Variants in CADM2 observed in about 807,000 individuals in gnomAD.
CADM2 encodes cell adhesion molecule 2.
In CADM2, 12 loss-of-function variants were observed where a neutral mutation model predicts 49.8. The observed-to-expected ratio is 0.24, with a 90% CI of 0.15 to 0.39. The LOEUF (loss-of-function observed/expected upper bound fraction) is 0.39. CADM2 is among the 10% of genes least tolerant of loss of function. The probability of loss-of-function intolerance (pLI) is 1.00; values close to 1 mark genes in which losing one functional copy is unlikely to be tolerated. For synonymous variants in CADM2, 214 were observed against 175.4 expected, an observed-to-expected ratio of 1.22 and a Z score of -1.74; for missense variants, 378 against 492.3, an observed-to-expected ratio of 0.77 and a Z score of 2.20.
At chr3:85,852,720 G>A (rs968110249) in intron 3 of CADM2, among the ~76,000 whole-genome samples, 2 of 152,018 alleles carry the variant, frequency 1.3e-5, no homozygotes, top group Non-Finnish European at 2.9e-5. Flanking sequence ...ATTGTATTTT[G>A]CAACTCTTTT....
chr3:85,486,405 T>G (rs551158593), intron 1 of CADM2, among the ~76,000 whole-genome samples: 1 of 152,298 alleles, frequency 6.6e-6, no homozygotes, highest in East Asian at 1.9e-4. Context: ...ATGCTGGATT[T>G]CCATATTGAA....
At chr3:85,514,350 C>T (rs1236928674) in intron 1 of CADM2, among the ~76,000 whole-genome samples, 1 of 152,026 alleles carries the variant, frequency 6.6e-6, no homozygotes, top group East Asian at 1.9e-4. Context: ...TGTAACTGAT[C>T]ACATTGTTTC....
intron 1 of CADM2, among the ~76,000 whole-genome samples, chr3:85,012,973 T>C (rs1053388867): frequency 1.3e-5 from 2 of 151,884 alleles, no homozygotes; most frequent in South Asian, 2.1e-4. Context: ...ATCAAAAAAG[T>C]CAAAATTAAA....
intron 1 of CADM2, among the ~76,000 whole-genome samples, chr3:85,212,866 CTT>C (rs1491354622): frequency 8.7e-5 from 11 of 126,726 alleles, no homozygotes; most frequent in African/African-American, 2.8e-4. Context: ...TTCTTTCTTT[CTT>C]TCTTTCTTTC....
chr3:85,391,788 C>A (rs914509076), intron 1 of CADM2, among the ~76,000 whole-genome samples: 4 of 152,110 alleles, frequency 2.6e-5, no homozygotes, highest in Admixed American at 2.0e-4. Context: ...CCTGCATATG[C>A]ATGGGGCAGG....
chr3:85,831,004 T>C (rs2074160641), intron 3 of CADM2, among the ~76,000 whole-genome samples: 1 of 151,658 alleles, frequency 6.6e-6, no homozygotes, highest in African/African-American at 2.4e-5. Flanking sequence ...CTCCCACTTC[T>C]AGTGGTCCCC....
intron 1 of CADM2, among the ~76,000 whole-genome samples, chr3:85,389,206 C>G (rs2034398245): frequency 1.3e-5 from 2 of 152,082 alleles, no homozygotes; most frequent in South Asian, 4.1e-4. Flanking sequence ...GCCCACTTTG[C>G]ACCCACAATT....
At chr3:84,970,809 C>G (rs1044968981) in intron 1 of CADM2, among the ~76,000 whole-genome samples, 27 of 151,982 alleles carry the variant, frequency 1.8e-4, no homozygotes, top group African/African-American at 6.3e-4. Context: ...CAGAATAAAC[C>G]TTCTCTAACA....
At chr3:85,599,797 A>T (rs932969582) in intron 1 of CADM2, among the ~76,000 whole-genome samples, 5 of 151,978 alleles carry the variant, frequency 3.3e-5, no homozygotes, top group Non-Finnish European at 5.9e-5. Flanking sequence ...AATTTTAAAA[A>T]ATATTTTAGG....
At chr3:85,559,636 T>G (rs889041398) in intron 1 of CADM2, among the ~76,000 whole-genome samples, 2 of 150,038 alleles carry the variant, frequency 1.3e-5, no homozygotes, top group Non-Finnish European at 3.0e-5. Flanking sequence ...TTTTATTGCT[T>G]AAGCCATGAT....
chr3:85,986,232 T>C (rs1437401124), intron 8 of CADM2, among the ~76,000 whole-genome samples: 2 of 151,656 alleles, frequency 1.3e-5, no homozygotes, highest in South Asian at 2.1e-4. Context: ...AAAAACAGAA[T>C]ACAAAGAAAT....
chr3:85,408,331 A>G (rs528833691), intron 1 of CADM2, among the ~76,000 whole-genome samples: 1 of 152,328 alleles, frequency 6.6e-6, no homozygotes, highest in Admixed American at 6.5e-5. Flanking sequence ...ATGAATAGTA[A>G]ATGCATAGGA....
chr3:85,629,856 C>T (rs1392509468), intron 1 of CADM2, among the ~76,000 whole-genome samples: 1 of 151,938 alleles, frequency 6.6e-6, no homozygotes, highest in African/African-American at 2.4e-5. Context: ...ACTCTGTTTT[C>T]TTAAACTTCT....
At chr3:85,639,874 AT>A (rs2064654195) in intron 1 of CADM2, among the ~76,000 whole-genome samples, 1 of 152,322 alleles carries the variant, frequency 6.6e-6, no homozygotes, top group East Asian at 1.9e-4. Context: ...GGGAATAACT[AT>A]TGAGAAGGGA....
intron 2 of CADM2, among the ~76,000 whole-genome samples, chr3:85,788,492 GAGA>G (rs1431456554): frequency 5.9e-5 from 9 of 151,872 alleles, no homozygotes; most frequent in Admixed American, 2.6e-4. Context: ...ATTTTTTACA[GAGA>G]AGAATACAGA....
At chr3:85,617,852 GATAAA>G (rs1359087632) in intron 1 of CADM2, among the ~76,000 whole-genome samples, 4 of 152,134 alleles carry the variant, frequency 2.6e-5, no homozygotes, top group African/African-American at 9.7e-5. Context: ...CACAAAAAGT[GATAAA>G]ATAAAGATCT....
intron 1 of CADM2, among the ~76,000 whole-genome samples, chr3:85,391,604 T>C (rs1298368981): frequency 3.9e-5 from 6 of 152,088 alleles, no homozygotes; most frequent in Non-Finnish European, 5.9e-5. Context: ...AATTATATTG[T>C]GCAATACAAA....
intron 1 of CADM2, among the ~76,000 whole-genome samples, chr3:85,457,052 G>C (rs952072028): frequency 6.6e-6 from 1 of 151,954 alleles, no homozygotes; most frequent in Non-Finnish European, 1.5e-5. Flanking sequence ...AATCAGGCAT[G>C]TTTTTGGCAT....
chr3:85,025,638 C>T (rs2107306537), intron 1 of CADM2, among the ~76,000 whole-genome samples: 1 of 152,268 alleles, frequency 6.6e-6, no homozygotes, highest in Non-Finnish European at 1.5e-5. Context: ...TCTCCCTTTG[C>T]ATAGCGCATT....
Sources: gnomAD v4.1 joint callset for allele counts (sites outside exome capture counted in the v4.1 genomes callset) on GRCh38, gnomAD v4.1.1 for gene constraint, MANE v1.5 for transcripts, NCBI Gene and HGNC (gene_info 2026-07-23, HGNC 2026-07-21) for gene names.